The following CFAP70 variants were observed in gnomAD, a reference collection of about 807,000 sequenced individuals.
The protein encoded by CFAP70 is cilia- and flagella-associated protein 70.
A neutral mutation model predicts 137.6 loss-of-function variants in CFAP70; 81 were observed. That is an observed-to-expected ratio of 0.59 (90% confidence interval 0.49 to 0.71). CFAP70 has a LOEUF of 0.71. Ranked by LOEUF, CFAP70 falls within the 30% of genes least tolerant of loss-of-function variation. The pLI, the probability that CFAP70 is intolerant of heterozygous loss-of-function variation, is 0.00. For missense variants in CFAP70, 976 were observed against 1,226.7 expected (o/e 0.80, Z 3.05); for synonymous variants, 382 against 423.6 (o/e 0.90, Z 1.20).
chr10:73,261,968 T>C (rs2045257651), intron 25 of CFAP70, among the ~76,000 whole-genome samples: 1 of 147,580 alleles, frequency 6.8e-6, no homozygotes, highest in Non-Finnish European at 1.5e-5. Context: ...ACTGTATACA[T>C]ATTATATATA....
At chr10:73,270,629 A>T (rs1177720263) in intron 24 of CFAP70, among the ~76,000 whole-genome samples, 1 of 141,098 alleles carries the variant, frequency 7.1e-6, no homozygotes, top group African/African-American at 2.6e-5. Flanking sequence ...TCCGCCTCCC[A>T]GGTTTAATCG....
intron 2 of CFAP70, 42 bp from the exon 3 acceptor site, chr10:73,353,784 G>C (rs2054461364): frequency 1.3e-6 from 2 of 1,585,334 alleles, no homozygotes; most frequent in African/African-American, 1.4e-5. Flanking sequence ...TATTCAAATA[G>C]AGAATTTTCC....
intron 19 of CFAP70, among the ~76,000 whole-genome samples, chr10:73,282,826 C>CTTTTTTTTTT (rs1203127459): frequency 3.3e-5 from 3 of 90,920 alleles, no homozygotes; most frequent in African/African-American, 8.5e-5. Flanking sequence ...TTCCTGTTAT[C>CTTTTTTTTTT]TTTTTTTTTT....
exon 14 of CFAP70, chr10:73,299,007 T>G (rs1343297239): frequency 6.2e-7 from 1 of 1,614,094 alleles, no homozygotes; most frequent in Admixed American, 1.7e-5. Context: ...CATATCACTC[T>G]CCAGTTTGGC....
At chr10:73,292,715 T>TCAAA (rs2048264222) in intron 16 of CFAP70, among the ~76,000 whole-genome samples, 1 of 152,228 alleles carries the variant, frequency 6.6e-6, no homozygotes, top group Non-Finnish European at 1.5e-5. Context: ...CTTTATATTC[T>TCAAA]GGATACAAAT....
At chr10:73,347,715 G>A (rs751203064) in intron 4 of CFAP70, among the ~76,000 whole-genome samples, 2 of 152,136 alleles carry the variant, frequency 1.3e-5, no homozygotes, top group Non-Finnish European at 2.9e-5. Context: ...TATAAAGTCT[G>A]ATATTCTAGA....
At chr10:73,308,573 A>G (rs556716379) in intron 12 of CFAP70, among the ~76,000 whole-genome samples, 4 of 150,234 alleles carry the variant, frequency 2.7e-5, no homozygotes, top group Non-Finnish European at 5.9e-5. Context: ...GGTTGCCATG[A>G]GCTGAGATCA....
At chr10:73,253,904 A>G in exon 27 of CFAP70, 1 of 1,256,518 alleles carries the variant, frequency 8.0e-7, no homozygotes, top group Non-Finnish European at 1.1e-6. Flanking sequence ...TCCAGGCTTC[A>G]TACGGTAAAA....
chr10:73,359,878 C>T (rs1371188679), upstream of CFAP70, among the ~76,000 whole-genome samples: 1 of 151,652 alleles, frequency 6.6e-6, no homozygotes, highest in Non-Finnish European at 1.5e-5. Flanking sequence ...CATTGTGAGC[C>T]TCCTGGTGAA....
intron 3 of CFAP70, 122 bp from the exon 4 acceptor site, chr10:73,348,643 G>T: frequency 1.5e-6 from 1 of 659,632 alleles, no homozygotes; most frequent in South Asian, 2.6e-5. Flanking sequence ...TGAAAGTACA[G>T]AAGGCACCAA....
chr10:73,355,693 G>T (rs1004776454), intron 1 of CFAP70, among the ~76,000 whole-genome samples: 1 of 152,284 alleles, frequency 6.6e-6, no homozygotes, highest in African/African-American at 2.4e-5. Context: ...CAGGAGAATC[G>T]CTTGAACACG....
intron 19 of CFAP70, among the ~76,000 whole-genome samples, chr10:73,283,480 T>A (rs1354770207): frequency 6.6e-6 from 1 of 151,808 alleles, no homozygotes; most frequent in African/African-American, 2.4e-5. Context: ...TTCGGCCCTG[T>A]TAGTTTTTGC....
rs181235898 is a variant in CFAP70 at position 73,342,937 on chromosome 10, G to A, written c.400-1356C>T. 4.5e-3 allele frequency among the ~76,000 whole-genome samples: 651 copies of A among 144,872 alleles called. 4 individuals are homozygous for A. Among genetic ancestry groups the A allele is most frequent in the Non-Finnish European group, 7.6e-3 (503 of 65,808 alleles). On this transcript the variant is annotated intron_variant, in intron 5 of 26. Transcript: ENST00000310715. ...TAAAAATACAAAAATTAAGCCGGGC[G>A]CAGTGGCTCACGCCTGTAATCCCAG...
chr10:73,275,424 A>G lies in CFAP70; in HGVS notation c.2673+22T>C. ...ATAAAGCCCCTTCTCCAGACTCAAGAGGCTTTAGCAAAAGTCATTACCAGG... is the reference window on the plus strand; with the variant it reads ...ATAAAGCCCCTTCTCCAGACTCAAGGGGCTTTAGCAAAAGTCATTACCAGG... On this transcript the variant is annotated intron_variant, in intron 22 of 26. Coordinates refer to ENST00000310715, the Ensembl canonical transcript of CFAP70. This position sits in a 1 kb window ranked among gnomAD's most constrained non-coding sequence, Gnocchi z 4.0. 1.9e-6 allele frequency: 3 copies of G among 1,568,760 alleles called. No homozygotes were observed. Among genetic ancestry groups the G allele is most frequent in the Non-Finnish European group, 1.7e-6 (2 of 1,159,840 alleles).
rs561794995 is a variant in CFAP70, at chr10:73,288,229, A to T, written c.2239+2997T>A. ...TCAAAAACATTGATGGGCACTTGAC[A>T]ATACTTTTGAAGCATGCGGGGGAAA... On this transcript the variant is annotated intron_variant, in intron 19 of 26. Transcript: ENST00000310715. Among the ~76,000 whole-genome samples, 24 of 152,272 alleles carry T rather than the reference A, an allele frequency of 1.6e-4. No individual in the cohort carries two copies. In the South Asian group the frequency reaches 5.0e-3, roughly 32 times the overall value.
chr10:73,267,328 G>T (rs1033426487), intron 25 of CFAP70, among the ~76,000 whole-genome samples: 7 of 152,162 alleles, frequency 4.6e-5, no homozygotes, highest in African/African-American at 9.7e-5. Flanking sequence ...CTTCCATGTG[G>T]ACTACTATAG....
intron 24 of CFAP70, among the ~76,000 whole-genome samples, chr10:73,272,161 C>G (rs1030902536): frequency 2.0e-5 from 3 of 151,882 alleles, no homozygotes; most frequent in Non-Finnish European, 4.4e-5. Flanking sequence ...ATGGTGAAAC[C>G]CCATCTCTAC....
At chr10:73,334,108 T>A (rs908225445) in intron 7 of CFAP70, among the ~76,000 whole-genome samples, 1 of 152,236 alleles carries the variant, frequency 6.6e-6, no homozygotes, top group Non-Finnish European at 1.5e-5. Flanking sequence ...TCAGAGTTGT[T>A]CATTCATATT....
intron 26 of CFAP70, among the ~76,000 whole-genome samples, chr10:73,254,620 T>C (rs1327977192): frequency 1.3e-5 from 2 of 152,208 alleles, no homozygotes; most frequent in African/African-American, 4.8e-5. Context: ...TCATGACCAA[T>C]TGCCACCCAA....
Sources: allele counts gnomAD v4.1 joint callset (sites outside exome capture counted in the v4.1 genomes callset), GRCh38; gene constraint gnomAD v4.1.1; non-coding constraint Gnocchi (gnomAD v3.1); transcripts MANE v1.5; gene names NCBI Gene and HGNC (gene_info 2026-07-23, HGNC 2026-07-21).